ANK2: variants seen among roughly 807,000 people sequenced by gnomAD.
ANK2 encodes ankyrin-2.
A neutral mutation model predicts 360.5 loss-of-function variants in ANK2; 83 were observed. That is an observed-to-expected ratio of 0.23 (90% CI 0.19 to 0.28). The LOEUF is 0.28. Among genes scored for constraint, ANK2 ranks in the 10% least tolerant of loss-of-function variants. The probability of loss-of-function intolerance (pLI) is 1.00; values close to 1 mark genes in which losing one functional copy is unlikely to be tolerated. For missense variants in ANK2, 4,201 were observed against 4,795.7 expected (o/e 0.88, Z 3.66); for synonymous variants, 1,740 against 1,759.5 (o/e 0.99, Z 0.28).
At chr4:112,795,154 A>G in the ANK2 span, among the ~76,000 whole-genome samples, 1 of 152,338 alleles carries the variant, frequency 6.6e-6, no homozygotes, top group South Asian at 2.1e-4. Context: ...CCCAGAAGCC[A>G]TCTTATCTGT....
chr4:112,948,632 T>C (rs796822473), intron 2 of ANK2, among the ~76,000 whole-genome samples: 1 of 152,256 alleles, frequency 6.6e-6, no homozygotes, highest in African/African-American at 2.4e-5. Context: ...TTCCTGGCCC[T>C]GGCTATCATC....
At chr4:113,293,093 A>G (rs1459775996) in intron 21 of ANK2, 1 of 393,134 alleles carries the variant, frequency 2.5e-6, no homozygotes, top group Non-Finnish European at 4.9e-6. Context: ...GGATAAGTGT[A>G]CCTGGTACTT....
chr4:113,340,653 C>T (rs899764604), intron 32 of ANK2, among the ~76,000 whole-genome samples: 10 of 152,082 alleles, frequency 6.6e-5, no homozygotes, highest in African/African-American at 1.4e-4. Flanking sequence ...GCCGTGATTG[C>T]GTCACTGCAC....
chr4:113,059,028 C>T (rs1332336451), intron 1 of ANK2, among the ~76,000 whole-genome samples: 4 of 152,158 alleles, frequency 2.6e-5, no homozygotes, highest in East Asian at 3.9e-4. Flanking sequence ...TCTGTGCCTT[C>T]ACATGGTGGA....
intron 2 of ANK2, among the ~76,000 whole-genome samples, chr4:113,042,217 C>T (rs1453418783): frequency 6.6e-6 from 1 of 152,144 alleles, no homozygotes; most frequent in East Asian, 1.9e-4. Flanking sequence ...TCTTCCTGCC[C>T]TCAGACATCA....
intron 2 of ANK2, among the ~76,000 whole-genome samples, chr4:113,196,005 T>C (rs1351935296): frequency 6.6e-6 from 1 of 152,118 alleles, no homozygotes; most frequent in Non-Finnish European, 1.5e-5. Flanking sequence ...ACTGAAAAAA[T>C]ATAAAGCTGT....
intron 2 of ANK2, among the ~76,000 whole-genome samples, chr4:112,987,386 A>G (rs746473850): frequency 7.9e-5 from 12 of 152,188 alleles, no homozygotes; most frequent in Non-Finnish European, 1.3e-4. Flanking sequence ...GAGACAAACA[A>G]CAACCCTTTA....
At chr4:113,167,687 G>A (rs1025479074) in intron 1 of ANK2, among the ~76,000 whole-genome samples, 2 of 152,142 alleles carry the variant, frequency 1.3e-5, no homozygotes, top group African/African-American at 4.8e-5. Context: ...ATCTTGATAT[G>A]TAGGAAGTGT....
chr4:113,155,153 A>G lies in ANK2; in HGVS notation c.85-19263A>G, dbSNP rs558854095. Among the ~76,000 whole-genome samples, 4 of 152,336 alleles carry G rather than the reference A, an allele frequency of 2.6e-5. No homozygotes were observed. The South Asian group carries it at 8.3e-4, about 32-fold the overall frequency. ...GCTAGATTCTGTAATGGCATACTGC[A>G]TACCATTTCATTTACTACTGACATT... On this transcript the variant is annotated intron_variant, in intron 1 of 45. Coordinates refer to ENST00000357077, the MANE Select transcript of ANK2 (RefSeq NM_001148.6).
chr4:113,298,478 A>G (rs1238346238), intron 22 of ANK2, among the ~76,000 whole-genome samples: 1 of 152,206 alleles, frequency 6.6e-6, no homozygotes, highest in Non-Finnish European at 1.5e-5. Flanking sequence ...CTAAGTGAAG[A>G]TCAGTTAAAC....
chr4:112,853,790 T>A (rs2065633328), intron 1 of ANK2, among the ~76,000 whole-genome samples: 1 of 152,188 alleles, frequency 6.6e-6, no homozygotes, highest in Non-Finnish European at 1.5e-5. Context: ...CTAGGAGAAA[T>A]TGGAAATGTT....
At chr4:112,780,201 A>AG in the ANK2 span, among the ~76,000 whole-genome samples, 1 of 151,306 alleles carries the variant, frequency 6.6e-6, no homozygotes, top group Non-Finnish European at 1.5e-5. Flanking sequence ...AAAAAAAAAA[A>AG]GAAGTCAGTG....
At chr4:113,053,836 A>G (rs982483464) in intron 1 of ANK2, among the ~76,000 whole-genome samples, 1 of 152,142 alleles carries the variant, frequency 6.6e-6, no homozygotes, top group Non-Finnish European at 1.5e-5. Context: ...GGTCTCAAGC[A>G]ATTCTCTCTC....
chr4:112,947,452 T>G (rs1440896147), intron 2 of ANK2, among the ~76,000 whole-genome samples: 1 of 152,182 alleles, frequency 6.6e-6, no homozygotes, highest in Admixed American at 6.5e-5. Context: ...GACTGAAATT[T>G]GCACAAATGA....
At chr4:112,801,525 C>T in the ANK2 span, among the ~76,000 whole-genome samples, 1 of 152,164 alleles carries the variant, frequency 6.6e-6, no homozygotes, top group African/African-American at 2.4e-5. Context: ...GCTGTGGTTA[C>T]ACAAAAAGAG....
rs2095532613 is a variant in ANK2 at position 113,124,228 on chromosome 4, T to C, written c.85-50188T>C. On this transcript the variant is annotated intron_variant, in intron 1 of 45. Coordinates refer to ENST00000357077, the MANE Select transcript of ANK2 (RefSeq NM_001148.6). ...TCAAGTTAGTGTCCTAGGGATTTAA[T>C]TGGTAGCTTAGCAGCCTTGGAGGCC... Among the ~76,000 whole-genome samples, 3 of 152,204 alleles carry C rather than the reference T, an allele frequency of 2.0e-5. No individual in the cohort carries two copies. The South Asian group carries it at 6.2e-4, about 31-fold the overall frequency.
At chr4:113,062,680 C>A (rs313977) in intron 1 of ANK2, among the ~76,000 whole-genome samples, 123,830 of 151,974 alleles carry the variant, frequency 0.81, 50,812 homozygotes, top group African/African-American at 0.9. Context: ...TTTTTGACAC[C>A]AATAATTACA....
intron 1 of ANK2, among the ~76,000 whole-genome samples, chr4:113,069,650 G>T (rs602125): frequency 0.85 from 128,802 of 152,128 alleles, 55,001 homozygotes; most frequent in Admixed American, 0.9. Flanking sequence ...CACCATCATT[G>T]ATACTAAACT....
At chr4:113,372,689 A>G (rs1012107797) in intron 43 of ANK2, 26 of 1,169,980 alleles carry the variant, frequency 2.2e-5, no homozygotes, top group African/African-American at 2.1e-4. Flanking sequence ...AGAGTGATCA[A>G]CCTGGATCAA....
Sources: gnomAD v4.1 joint callset for allele counts (sites outside exome capture counted in the v4.1 genomes callset) on GRCh38, gnomAD v4.1.1 for gene constraint, MANE v1.5 for transcripts, NCBI Gene and HGNC (gene_info 2026-07-23, HGNC 2026-07-21) for gene names.